DRC11: variants seen among roughly 807,000 people sequenced by gnomAD.
The protein encoded by DRC11 is dynein regulatory complex subunit 11.
the DRC11 span, among the ~76,000 whole-genome samples, chr2:236,450,130 T>C: frequency 6.6e-6 from 1 of 152,128 alleles, no homozygotes; most frequent in Non-Finnish European, 1.5e-5. Context: ...TGGTTTATAA[T>C]AAAAATAAAT....
chr2:236,349,533 C>A, the DRC11 span, among the ~76,000 whole-genome samples: 8 of 152,078 alleles, frequency 5.3e-5, no homozygotes, highest in East Asian at 1.5e-3. This position sits in a 1 kb window ranked among gnomAD's most constrained non-coding sequence, Gnocchi z 5.5. Flanking sequence ...GAACACTATG[C>A]CGCCATAAAA....
chr2:236,334,994 C>T, the DRC11 span, among the ~76,000 whole-genome samples: 2 of 151,778 alleles, frequency 1.3e-5, no homozygotes, highest in Middle Eastern at 3.2e-3. The surrounding 1 kb of genome is among the most constrained non-coding windows in gnomAD (Gnocchi z 7.8). Context: ...TTTGCAGAGA[C>T]AGCTTGGTCT....
chr2:236,488,751 T>C, the DRC11 span, among the ~76,000 whole-genome samples: 2 of 152,326 alleles, frequency 1.3e-5, no homozygotes, highest in South Asian at 4.1e-4. Flanking sequence ...CATTCAAACA[T>C]GATGAGTACT....
the DRC11 span, among the ~76,000 whole-genome samples, chr2:236,381,424 A>G: frequency 6.6e-6 from 1 of 151,366 alleles, no homozygotes; most frequent in Non-Finnish European, 1.5e-5. This position sits in a 1 kb window ranked among gnomAD's most constrained non-coding sequence, Gnocchi z 5.8. Flanking sequence ...TACTCAGCCT[A>G]AGAACGTTGT....
At chr2:236,484,707 T>C in the DRC11 span, among the ~76,000 whole-genome samples, 1 of 152,006 alleles carries the variant, frequency 6.6e-6, no homozygotes, top group African/African-American at 2.4e-5. Context: ...AATGAAACCC[T>C]CAGTAGCAGT....
the DRC11 span, among the ~76,000 whole-genome samples, chr2:236,505,635 T>G: frequency 1.3e-5 from 2 of 152,132 alleles, no homozygotes; most frequent in African/African-American, 4.8e-5. Flanking sequence ...GTCACCATCA[T>G]CTTCCATCTA....
At chr2:236,489,230 T>G in the DRC11 span, among the ~76,000 whole-genome samples, 1 of 138,440 alleles carries the variant, frequency 7.2e-6, no homozygotes, top group South Asian at 2.4e-4. Flanking sequence ...GAGGCCTGTG[T>G]GGGCTCCGGG....
At chr2:236,430,865 G>A in the DRC11 span, among the ~76,000 whole-genome samples, 5 of 152,054 alleles carry the variant, frequency 3.3e-5, no homozygotes, top group African/African-American at 7.3e-5. This position sits in a 1 kb window ranked among gnomAD's most constrained non-coding sequence, Gnocchi z 6.0. Context: ...AAATGTAGTC[G>A]CTTTTGTTTT....
chr2:236,401,448 G>A, the DRC11 span, among the ~76,000 whole-genome samples: 2 of 152,166 alleles, frequency 1.3e-5, no homozygotes, highest in Non-Finnish European at 2.9e-5. This position sits in a 1 kb window ranked among gnomAD's most constrained non-coding sequence, Gnocchi z 4.6. Context: ...GAAGGACCCC[G>A]CCAGCCCTGG....
the DRC11 span, among the ~76,000 whole-genome samples, chr2:236,491,188 G>GTATATATA: frequency 1.0e-3 from 25 of 24,750 alleles, 4 homozygotes; most frequent in East Asian, 2.0e-3. Flanking sequence ...TATACACACA[G>GTATATATA]TATATATATA....
chr2:236,388,140 T>A, the DRC11 span, among the ~76,000 whole-genome samples: 1 of 152,164 alleles, frequency 6.6e-6, no homozygotes, highest in African/African-American at 2.4e-5. Context: ...ATTATGTGTC[T>A]TGGAGTTGCT....
chr2:236,461,275 A>C, the DRC11 span, among the ~76,000 whole-genome samples: 5 of 152,318 alleles, frequency 3.3e-5, no homozygotes, highest in Admixed American at 1.3e-4. The surrounding 1 kb of genome is among the most constrained non-coding windows in gnomAD (Gnocchi z 4.0). Context: ...AAAATGGGGA[A>C]AGTTTCGGAT....
At chr2:236,338,464 C>T in the DRC11 span, 3 of 1,219,214 alleles carry the variant, frequency 2.5e-6, no homozygotes. Context: ...GGATGCATTG[C>T]AGCATCCTTT....
At chr2:236,314,697 G>A in the DRC11 span, among the ~76,000 whole-genome samples, 15 of 152,052 alleles carry the variant, frequency 9.9e-5, no homozygotes, top group African/African-American at 3.4e-4. This position sits in a 1 kb window ranked among gnomAD's most constrained non-coding sequence, Gnocchi z 4.5. Context: ...ACTTAAAAAT[G>A]AAATTTATAA....
chr2:236,474,163 C>T, the DRC11 span, among the ~76,000 whole-genome samples: 1 of 151,880 alleles, frequency 6.6e-6, no homozygotes, highest in Non-Finnish European at 1.5e-5. Context: ...ATATATCTCT[C>T]AATGGTGTAC....
the DRC11 span, among the ~76,000 whole-genome samples, chr2:236,464,723 G>A: frequency 2.0e-5 from 3 of 152,074 alleles, no homozygotes; most frequent in Non-Finnish European, 4.4e-5. Flanking sequence ...CCTGGTGGGA[G>A]GTGTCTGGGT....
the DRC11 span, among the ~76,000 whole-genome samples, chr2:236,481,620 T>C: frequency 6.6e-6 from 1 of 152,138 alleles, no homozygotes; most frequent in Non-Finnish European, 1.5e-5. Context: ...TACTTTTAAA[T>C]GTGTGTTTTT....
At chr2:236,336,794 C>T in the DRC11 span, among the ~76,000 whole-genome samples, 379 of 152,286 alleles carry the variant, frequency 2.5e-3, 1 homozygote, top group African/African-American at 8.3e-3. This position sits in a 1 kb window ranked among gnomAD's most constrained non-coding sequence, Gnocchi z 7.3. Flanking sequence ...TGCAGTGTTA[C>T]GGTGGCCCCG....
chr2:236,394,970 A>G, the DRC11 span, among the ~76,000 whole-genome samples: 35 of 152,354 alleles, frequency 2.3e-4, no homozygotes, highest in African/African-American at 7.5e-4. The surrounding 1 kb of genome is among the most constrained non-coding windows in gnomAD (Gnocchi z 7.0). Flanking sequence ...GATGCAGAAA[A>G]TGATGCAAAT....
Sources: gnomAD v4.1 joint callset for allele counts (sites outside exome capture counted in the v4.1 genomes callset) on GRCh38, gnomAD v4.1.1 for gene constraint, Gnocchi (gnomAD v3.1) non-coding constraint, MANE v1.5 for transcripts, NCBI Gene and HGNC (gene_info 2026-07-23, HGNC 2026-07-21) for gene names.